MED13L: variants seen among roughly 807,000 people sequenced by gnomAD.
The protein encoded by MED13L is mediator of RNA polymerase II transcription subunit 13-like.
MED13L carries 7 observed loss-of-function variants against 220.9 expected under a neutral mutation model. The ratio of observed to expected loss-of-function variants is 0.03; its 90% CI spans 0.02 to 0.06. The LOEUF (loss-of-function observed/expected upper bound fraction) is 0.06. Ranked by LOEUF, MED13L falls within the 10% of genes least tolerant of loss-of-function variation. MED13L has a pLI of 1.00. For synonymous variants in MED13L, 1,011 were observed against 1,015.2 expected, an observed-to-expected ratio of 1.00 and a Z score of 0.08; for missense variants, 1,965 against 2,760.5, an observed-to-expected ratio of 0.71 and a Z score of 6.46.
chr12:116,249,635 G>T (rs374880299), intron 1 of MED13L, among the ~76,000 whole-genome samples: 23 of 149,622 alleles, frequency 1.5e-4, no homozygotes, highest in African/African-American at 5.7e-4. Context: ...GGACAGAAAT[G>T]GGGGATTTTT....
At chr12:116,101,418 C>T (rs1245141301) in intron 3 of MED13L, among the ~76,000 whole-genome samples, 1 of 152,150 alleles carries the variant, frequency 6.6e-6, no homozygotes, top group African/African-American at 2.4e-5. Flanking sequence ...GAGTATTTTC[C>T]TATTCATAAT....
At chr12:116,264,711 A>G (rs1237317639) in intron 1 of MED13L, among the ~76,000 whole-genome samples, 2 of 152,092 alleles carry the variant, frequency 1.3e-5, no homozygotes, top group Non-Finnish European at 2.9e-5. Flanking sequence ...TGTATCTTCC[A>G]TCTTTCCTTC....
chr12:116,268,529 T>C (rs765116923), intron 1 of MED13L, among the ~76,000 whole-genome samples: 1 of 151,980 alleles, frequency 6.6e-6, no homozygotes, highest in Non-Finnish European at 1.5e-5. Flanking sequence ...CTCACACCTG[T>C]AATCCCAGTA....
chr12:116,073,427 A>G (rs544667887), intron 4 of MED13L, among the ~76,000 whole-genome samples: 39 of 152,188 alleles, frequency 2.6e-4, no homozygotes, highest in Non-Finnish European at 2.5e-4. Context: ...TCAATGTTAT[A>G]TTACTGGTCT....
At chr12:116,022,377 C>T in intron 5 of MED13L, 79 bp downstream of exon 5, 1 of 1,546,402 alleles carries the variant, frequency 6.5e-7, no homozygotes, top group Non-Finnish European at 8.9e-7. Flanking sequence ...TAAGGTCTCA[C>T]CCTGCAAAAC....
intron 9 of MED13L, among the ~76,000 whole-genome samples, chr12:116,012,446 T>C (rs1024950193): frequency 1.3e-5 from 2 of 152,206 alleles, no homozygotes; most frequent in African/African-American, 2.4e-5. Flanking sequence ...CCAAATTCTA[T>C]TGACTCAAGC....
chr12:116,251,040 AAAAGT>A (rs1285431962), intron 1 of MED13L, among the ~76,000 whole-genome samples: 1 of 151,714 alleles, frequency 6.6e-6, no homozygotes, highest in Non-Finnish European at 1.5e-5. Context: ...TCAATCCCTA[AAAAGT>A]AAAGGAAAGA....
chr12:115,965,114 A>G (rs1876052818), intron 29 of MED13L, among the ~76,000 whole-genome samples: 1 of 152,222 alleles, frequency 6.6e-6, no homozygotes, highest in South Asian at 2.1e-4. Context: ...TTTAATTTCC[A>G]TCGTTTCTTT....
rs558385895 is a variant in MED13L at position 116,145,659 on chromosome 12, C to CTATTTATTTATT, written c.311-34159_311-34148dup. On this transcript the variant is annotated intron_variant, in intron 2 of 30. Coordinates refer to ENST00000281928, the MANE Select transcript of MED13L (RefSeq NM_015335.5). ...ACAGGCACATGCACCACACTCAACT[C>CTATTTATTTATT]TATTTATTTATTTATTTATTTATTT... Among the ~76,000 whole-genome samples, 264 of 123,600 alleles carry CTATTTATTTATT rather than the reference C, an allele frequency of 2.1e-3. 1 individual carries two copies. The highest frequency in any genetic ancestry group is 9.7e-3 in the East Asian group (33 of 3,414). 81.1% of individuals were successfully genotyped at this position (123,600 alleles called of 152,430 possible).
intron 28 of MED13L, among the ~76,000 whole-genome samples, chr12:115,966,856 A>G (rs2137206118): frequency 6.6e-6 from 1 of 152,260 alleles, no homozygotes; most frequent in African/African-American, 2.4e-5. Context: ...TGCAAGCAAT[A>G]AGTAATGCAT....
intron 28 of MED13L, among the ~76,000 whole-genome samples, chr12:115,967,824 G>A (rs576399275): frequency 2.6e-5 from 4 of 152,160 alleles, no homozygotes; most frequent in South Asian, 4.1e-4. Flanking sequence ...TGTGTTTTTC[G>A]TTCCTATCAC....
At chr12:116,121,640 A>G (rs1875103452) in intron 2 of MED13L, among the ~76,000 whole-genome samples, 1 of 152,208 alleles carries the variant, frequency 6.6e-6, no homozygotes, top group African/African-American at 2.4e-5. Context: ...TAAAAGTAGA[A>G]TTACTTTCAA....
Position 115,989,126 on chromosome 12 carries a change from A to C in MED13L, c.3935-1838T>G, listed in dbSNP as rs566826230. ...CTGGACATACTTTTAATTACTTCAG[A>C]TTTCAAACTGTATTTAAGAAGCTTA... On this transcript the variant is annotated intron_variant, in intron 17 of 30. Transcript: ENST00000281928. 5.9e-5 allele frequency among the ~76,000 whole-genome samples: 9 copies of C among 152,220 alleles called. No homozygotes were observed. The East Asian group carries it at 1.5e-3, about 26-fold the overall frequency.
At position 116,008,759 on chromosome 12, in the gene MED13L, T is replaced by C. The variant is rs371805787; in HGVS notation, c.1654A>G (p.Ile552Val). Residue 552 changes from isoleucine (I) to valine (V), a missense_variant, in exon 10 of 31, where the codon ATA becomes GTA. By Grantham distance (29) the Ile-to-Val change is conservative (BLOSUM62 3). Coordinates refer to ENST00000281928, the MANE Select transcript of MED13L (RefSeq NM_015335.5). The part of the protein sequence containing the change: ...LNPMDSPHSP[I>V]SPLPPTLSPQ... ...CTGAGTGTTGGTGGCAGAGGGGATA[T>C]AGGGGAATGAGGTGAATCCATAGGA... 45 of 1,613,884 alleles carry C rather than the reference T, an allele frequency of 2.8e-5. No individual in the cohort carries two copies. Among genetic ancestry groups the C allele is most frequent in the South Asian group, 2.6e-4 (24 of 91,080 alleles).
At chr12:115,982,971 C>T (rs1387916377) in intron 21 of MED13L, 146 bp downstream of exon 21, 4 of 822,430 alleles carry the variant, frequency 4.9e-6, no homozygotes, top group African/African-American at 3.4e-5. Context: ...AGCTTTAGAT[C>T]GACCATTGCC....
chr12:116,075,910 A>ATT (rs774757433), intron 4 of MED13L, among the ~76,000 whole-genome samples: 58 of 134,242 alleles, frequency 4.3e-4, no homozygotes, highest in African/African-American at 5.7e-4. Context: ...GAGCCAGAAG[A>ATT]TTTTTTTTTT....
chr12:116,242,282 T>C (rs991134535), intron 1 of MED13L, among the ~76,000 whole-genome samples: 15 of 152,116 alleles, frequency 9.9e-5, no homozygotes, highest in Middle Eastern at 6.4e-3. Flanking sequence ...TGACCTCAGG[T>C]GATACGCTTG....
chr12:116,059,737 G>A (rs1299988311), intron 4 of MED13L, among the ~76,000 whole-genome samples: 2 of 151,946 alleles, frequency 1.3e-5, no homozygotes, highest in Non-Finnish European at 2.9e-5. Flanking sequence ...CTTTTACACT[G>A]TAAAAGTATT....
chr12:116,016,369 C>T (rs1167859746), intron 7 of MED13L, among the ~76,000 whole-genome samples: 1 of 152,072 alleles, frequency 6.6e-6, no homozygotes, highest in Non-Finnish European at 1.5e-5. Flanking sequence ...AAAAGTATTA[C>T]TATATTACAA....
Sources: allele counts gnomAD v4.1 joint callset (sites outside exome capture counted in the v4.1 genomes callset), GRCh38; gene constraint gnomAD v4.1.1; transcripts MANE v1.5; gene names NCBI Gene and HGNC (gene_info 2026-07-23, HGNC 2026-07-21).